PRKN: variants seen among roughly 807,000 people sequenced by gnomAD.
PRKN encodes E3 ubiquitin-protein ligase parkin.
Under a neutral mutation model 59.5 loss-of-function variants are expected in PRKN, and 56 were observed. That is an observed-to-expected ratio of 0.94 (90% CI 0.76 to 1.18). The LOEUF is 1.18. PRKN is among the 50% of genes most tolerant of loss of function. The pLI is 0.00. For missense variants in PRKN, 657 were observed against 596.4 expected (o/e 1.10, Z -1.06); for synonymous variants, 250 against 222.1 (o/e 1.13, Z -1.12).
Position 161,679,145 on chromosome 6 carries a change from C to G in PRKN, c.871+106627G>C, listed in dbSNP as rs79931218. 5.0e-3 allele frequency among the ~76,000 whole-genome samples: 757 copies of G among 152,314 alleles called. 13 individuals carry two copies. The highest frequency in any genetic ancestry group is 0.018 in the African/African-American group (731 of 41,558). ...CAGTCACCCTTCACTCAACTTCTAG[C>G]TTGAATAGAGGACAGAGATTTCAGG... On this transcript the variant is annotated intron_variant, in intron 7 of 11. Transcript: ENST00000366898.
At chr6:162,482,909 G>T (rs1418769193) in intron 1 of PRKN, among the ~76,000 whole-genome samples, 1 of 148,092 alleles carries the variant, frequency 6.8e-6, no homozygotes, top group African/African-American at 2.5e-5. Context: ...AAACACTCCG[G>T]CCTGAGGGTA....
At chr6:162,114,884 T>G (rs1780598957) in intron 4 of PRKN, among the ~76,000 whole-genome samples, 2 of 152,092 alleles carry the variant, frequency 1.3e-5, no homozygotes, top group Non-Finnish European at 1.5e-5. Context: ...GGAACACTTT[T>G]ACACTGTTGG....
At chr6:162,478,213 G>A (rs1180004770) in intron 1 of PRKN, among the ~76,000 whole-genome samples, 4 of 152,104 alleles carry the variant, frequency 2.6e-5, no homozygotes, top group Non-Finnish European at 5.9e-5. Context: ...TCTCTTTCTG[G>A]CCTAGTATAT....
intron 1 of PRKN, among the ~76,000 whole-genome samples, chr6:162,544,972 C>T (rs1379704217): frequency 6.7e-6 from 1 of 150,350 alleles, no homozygotes; most frequent in African/African-American, 2.4e-5. Flanking sequence ...CCACCGCGCC[C>T]GGCCTCAAGT....
chr6:162,568,283 C>T (rs1780162218), intron 1 of PRKN: 1 of 230,672 alleles, frequency 4.3e-6, no homozygotes, highest in Non-Finnish European at 8.6e-6. Flanking sequence ...CATATCAAGT[C>T]AAAAAGCTTC....
chr6:162,338,847 G>A (rs1442119005), intron 2 of PRKN, among the ~76,000 whole-genome samples: 12 of 151,192 alleles, frequency 7.9e-5, no homozygotes, highest in Admixed American at 7.9e-4. Flanking sequence ...AGGAAGTGAG[G>A]AGCGTCTCTG....
chr6:161,946,412 ACACT>A (rs1447641760), intron 6 of PRKN, among the ~76,000 whole-genome samples: 2,184 of 94,004 alleles, frequency 0.023, 33 homozygotes, highest in African/African-American at 0.065. Flanking sequence ...ACACACACAC[ACACT>A]CTCTCTCTCT....
At chr6:161,787,250 T>C (rs1790456695) in intron 6 of PRKN, among the ~76,000 whole-genome samples, 2 of 152,180 alleles carry the variant, frequency 1.3e-5, no homozygotes, top group Non-Finnish European at 2.9e-5. Context: ...TTCAAAGCAA[T>C]ATGTAATACA....
At chr6:161,786,616 TTAATTA>T (rs1205727046) in intron 6 of PRKN, among the ~76,000 whole-genome samples, 2 of 152,128 alleles carry the variant, frequency 1.3e-5, no homozygotes, top group Non-Finnish European at 2.9e-5. Context: ...CCTTGGTAAT[TTAATTA>T]TAACTATGTT....
At chr6:162,074,706 G>T (rs1778743438) in intron 4 of PRKN, among the ~76,000 whole-genome samples, 1 of 152,086 alleles carries the variant, frequency 6.6e-6, no homozygotes, top group Non-Finnish European at 1.5e-5. Context: ...CGAAAATGCA[G>T]CTCCGCTGGG....
intron 3 of PRKN, among the ~76,000 whole-genome samples, chr6:162,247,294 G>C (rs1331425572): frequency 6.6e-6 from 1 of 152,096 alleles, no homozygotes; most frequent in Admixed American, 6.5e-5. Flanking sequence ...AAAGTAATGG[G>C]ATGAGCTTTC....
intron 5 of PRKN, among the ~76,000 whole-genome samples, chr6:162,002,266 A>G (rs1394695501): frequency 2.0e-5 from 3 of 152,060 alleles, no homozygotes; most frequent in Non-Finnish European, 4.4e-5. Context: ...TGTGGAATTC[A>G]CTAGTGAACC....
chr6:162,635,651 C>T (rs1777680883), intron 1 of PRKN, among the ~76,000 whole-genome samples: 1 of 151,580 alleles, frequency 6.6e-6, no homozygotes, highest in African/African-American at 2.4e-5. Flanking sequence ...ATTTGGTTGA[C>T]ATTTAGGTCT....
intron 9 of PRKN, among the ~76,000 whole-genome samples, chr6:161,513,525 A>ATT (rs34386533): frequency 0.21 from 29,711 of 142,726 alleles, 3,620 homozygotes; most frequent in African/African-American, 0.34. Flanking sequence ...ATTACAGCAC[A>ATT]TTTTTTTTTT....
intron 1 of PRKN, chr6:162,568,451 C>T (rs1056467826): frequency 1.3e-5 from 8 of 621,866 alleles, no homozygotes; most frequent in Middle Eastern, 4.1e-4. Context: ...CCGGGGGTGG[C>T]CTGGGTGGAG....
intron 1 of PRKN, among the ~76,000 whole-genome samples, chr6:162,596,566 T>C (rs1292076950): frequency 1.3e-5 from 2 of 152,222 alleles, no homozygotes; most frequent in African/African-American, 2.4e-5. Context: ...CTGTGACTCA[T>C]TCTTTATAGA....
chr6:161,730,055 T>A (rs1787614321), intron 7 of PRKN, among the ~76,000 whole-genome samples: 1 of 152,184 alleles, frequency 6.6e-6, no homozygotes, highest in Non-Finnish European at 1.5e-5. Flanking sequence ...TTCTGGTGTG[T>A]TGCATTCTGA....
chr6:161,923,601 TTCTG>T (rs1778860003), intron 6 of PRKN, among the ~76,000 whole-genome samples: 1 of 84,430 alleles, frequency 1.2e-5, no homozygotes, highest in African/African-American at 3.8e-5. Flanking sequence ...GATTTCCTCT[TTCTG>T]TCTCTACTTA....
At chr6:162,332,107 T>C (rs1231906311) in intron 2 of PRKN, among the ~76,000 whole-genome samples, 1 of 152,172 alleles carries the variant, frequency 6.6e-6, no homozygotes, top group Non-Finnish European at 1.5e-5. Context: ...TCAACCAGAA[T>C]TAATCCAGGC....
Sources: allele counts gnomAD v4.1 joint callset (sites outside exome capture counted in the v4.1 genomes callset), GRCh38; gene constraint gnomAD v4.1.1; transcripts MANE v1.5; gene names NCBI Gene and HGNC (gene_info 2026-07-23, HGNC 2026-07-21).